Variants in ZNF350 observed in about 807,000 individuals in gnomAD.
The protein encoded by ZNF350 is zinc finger protein 350, also known as KRAB zinc finger protein ZFQR.
In ZNF350, 5 loss-of-function variants were observed where a neutral mutation model predicts 13.1. The ratio of observed to expected loss-of-function variants is 0.38; its 90% CI spans 0.20 to 0.80. ZNF350 has a LOEUF of 0.80. Ranked by LOEUF, ZNF350 falls within the 30% of genes least tolerant of loss-of-function variation. The pLI, the probability that ZNF350 is intolerant of heterozygous loss-of-function variation, is 0.43. For missense variants in ZNF350, 534 were observed against 644.2 expected, an observed-to-expected ratio of 0.83 and a Z score of 1.85; for synonymous variants, 199 against 224.2, an observed-to-expected ratio of 0.89 and a Z score of 1.00.
chr19:51,972,293 TAAA>T (rs748068937), intron 2 of ZNF350, among the ~76,000 whole-genome samples: 4 of 106,206 alleles, frequency 3.8e-5, no homozygotes, highest in Non-Finnish European at 6.1e-5. Context: ...CCATCTCAAT[TAAA>T]AAAAAAAAAA....
chr19:51,982,973 G>A (rs1054168824), intron 1 of ZNF350, among the ~76,000 whole-genome samples: 3 of 152,204 alleles, frequency 2.0e-5, no homozygotes, highest in Admixed American at 1.3e-4. Context: ...GTGGGGGAAA[G>A]AGAGATCAGA....
At chr19:51,968,810 GT>G in intron 3 of ZNF350, 137 bp from the exon 4 acceptor site, 1 of 1,413,346 alleles carries the variant, frequency 7.1e-7, no homozygotes, top group South Asian at 1.3e-5. Context: ...AACTATGAAA[GT>G]TTCGTTTCAT....
At chr19:51,968,330 G>T in intron 4 of ZNF350, 1 of 501,772 alleles carries the variant, frequency 2.0e-6, no homozygotes, top group Non-Finnish European at 3.5e-6. Context: ...CGAGGAAGAA[G>T]AAAATTATGC....
chr19:51,975,987 C>T (rs2085883903), intron 1 of ZNF350, among the ~76,000 whole-genome samples: 1 of 152,264 alleles, frequency 6.6e-6, no homozygotes, highest in Non-Finnish European at 1.5e-5. Flanking sequence ...TCAGCAAACT[C>T]ATGACTGCTC....
chr19:51,974,648 CT>C, intron 1 of ZNF350, 117 bp from the exon 2 acceptor site: 1 of 295,076 alleles, frequency 3.4e-6, no homozygotes. Context: ...AACTATATAC[CT>C]TTGTTTGGAG....
intron 1 of ZNF350, among the ~76,000 whole-genome samples, chr19:51,984,979 A>G (rs983804332): frequency 1.5e-4 from 23 of 152,240 alleles, no homozygotes; most frequent in Non-Finnish European, 5.9e-5. Flanking sequence ...TGTATTAACT[A>G]CAATGATAAA....
At chr19:51,967,841 T>C (rs2085622529) in intron 4 of ZNF350, among the ~76,000 whole-genome samples, 1 of 152,162 alleles carries the variant, frequency 6.6e-6, no homozygotes, top group African/African-American at 2.4e-5. Context: ...AACTTAATGG[T>C]TTTCTTGGAG....
At chr19:51,980,363 C>A (rs1477681350) in intron 1 of ZNF350, among the ~76,000 whole-genome samples, 3 of 152,184 alleles carry the variant, frequency 2.0e-5, no homozygotes, top group Non-Finnish European at 4.4e-5. Flanking sequence ...GTCCATAGAG[C>A]CTTAGGCATA....
chr19:51,983,496 T>C (rs1004962705), intron 1 of ZNF350, among the ~76,000 whole-genome samples: 4 of 152,108 alleles, frequency 2.6e-5, no homozygotes, highest in African/African-American at 9.7e-5. Flanking sequence ...TAAAACCCAA[T>C]CATACATTCT....
At chr19:51,972,935 C>G (rs2085782803) in intron 2 of ZNF350, 2 of 151,296 alleles carry the variant, frequency 1.3e-5, no homozygotes, top group African/African-American at 4.9e-5. Context: ...AGCCACTGCA[C>G]TCAGCCAGAA....
Position 51,965,801 on chromosome 19 carries a change from T to C in ZNF350, c.652A>G (p.Lys218Glu), listed in dbSNP as rs764125848. The C allele has an allele frequency of 8.1e-6, 13 of 1,614,186 alleles. 1 individual carries two copies. The South Asian group carries it at 1.3e-4, about 16-fold the overall frequency. The change falls in exon 5 of 5, where the codon AAG becomes GAG. Residue 218 changes from lysine (K) to glutamate (E), a missense_variant. Coordinates refer to ENST00000243644, the MANE Select transcript of ZNF350 (RefSeq NM_021632.4). ...ACCTGGTGATCAGTTAGCCAAGACT[T>C]CTTGATGAAGGCTTTCCCACATTCA... is the stretch of plus-strand genomic sequence containing the variant. ...CSECGKAFIK[K>E]SWLTDHQVMH... is the part of the protein sequence containing the mutation.
intron 2 of ZNF350, chr19:51,974,143 A>G (rs1342472848): frequency 2.1e-6 from 1 of 482,528 alleles, no homozygotes; most frequent in Non-Finnish European, 3.6e-6. Flanking sequence ...CACAAAATTC[A>G]TAATTTAGTG....
chr19:51,975,413 G>C (rs1023134684), intron 1 of ZNF350, among the ~76,000 whole-genome samples: 2 of 103,012 alleles, frequency 1.9e-5, no homozygotes, highest in Non-Finnish European at 3.8e-5. Flanking sequence ...TGGTCAAAAA[G>C]AGCGAAACCT....
At chr19:51,971,552 G>A (rs1452521598) in intron 2 of ZNF350, among the ~76,000 whole-genome samples, 1 of 152,186 alleles carries the variant, frequency 6.6e-6, no homozygotes, top group East Asian at 1.9e-4. Flanking sequence ...GCCGACAGAA[G>A]GTTTTCTGGA....
In ZNF350 at chr19:51,966,153, C is replaced by A. The variant is rs757801447; in HGVS notation, c.300G>T (p.Arg100Ser). The change falls in exon 5 of 5, where the codon AGG becomes AGT. Residue 100 changes from arginine (R) to serine (S), a missense_variant. Arg to Ser is a moderately radical substitution (Grantham distance 110). Coordinates refer to ENST00000243644, the MANE Select transcript of ZNF350 (RefSeq NM_021632.4). ...ATGCATCATGTTCATGACATGGTTT[C>A]CTTCTGTTCACCAGGCTTTCACTCT... ...RLQSESLVNR[R>S]KPCHEHDAFE... is the part of the protein sequence containing the mutation. 3.7e-6 allele frequency: 6 copies of A among 1,613,178 alleles called. No individual in the cohort carries two copies. The highest frequency in any genetic ancestry group is 5.1e-6 in the Non-Finnish European group (6 of 1,179,768).
At chr19:51,977,810 C>G (rs1599949998) in intron 1 of ZNF350, among the ~76,000 whole-genome samples, 1 of 152,316 alleles carries the variant, frequency 6.6e-6, no homozygotes, top group Admixed American at 6.5e-5. Flanking sequence ...GAAATTTTCT[C>G]AGAGCTTGTC....
At chr19:51,981,021 T>G (rs1271175647) in intron 1 of ZNF350, 1 of 152,228 alleles carries the variant, frequency 6.6e-6, no homozygotes, top group Non-Finnish European at 1.5e-5. Flanking sequence ...AAGGGGGATA[T>G]GCAGGGAGCC....
At position 51,974,403 on chromosome 19, in the gene ZNF350, G is replaced by C. The variant is rs1161852202; in HGVS notation, c.-43C>G. On this transcript the variant is annotated 5_prime_UTR_variant, in exon 2 of 5. Coordinates refer to ENST00000243644, the MANE Select transcript of ZNF350 (RefSeq NM_021632.4). Reference sequence around the variant, plus strand: ...AGACAGCATTCAACTGGGATGGTCTGTCTTTGTATCTTCTGGCCTTCTCTT... The same window carrying C: ...AGACAGCATTCAACTGGGATGGTCTCTCTTTGTATCTTCTGGCCTTCTCTT... 6.2e-7 allele frequency: 1 copy of C among 1,611,518 alleles called. No homozygotes were observed. Among genetic ancestry groups the C allele is most frequent in the Non-Finnish European group, 8.5e-7 (1 of 1,178,540 alleles).
chr19:51,964,817 TGCTCAACCC>T lies in ZNF350; in HGVS notation c.*28_*36del. ...GGCCACATAATGAACTACAAATTTT[TGCTCAACCC>T]TTTTCCACATAGATCTGAGTTTTCT... On this transcript the variant is annotated 3_prime_UTR_variant, in exon 5 of 5. Transcript: ENST00000243644. 6.4e-7 allele frequency: 1 copy of T among 1,569,334 alleles called. No homozygotes were observed. Among genetic ancestry groups the T allele is most frequent in the South Asian group, 1.2e-5 (1 of 83,750 alleles).
Sources: allele counts gnomAD v4.1 joint callset (sites outside exome capture counted in the v4.1 genomes callset), GRCh38; gene constraint gnomAD v4.1.1; transcripts MANE v1.5; gene names NCBI Gene and HGNC (gene_info 2026-07-23, HGNC 2026-07-21).